CHN2: variants seen among roughly 807,000 people sequenced by gnomAD.
CHN2 encodes the protein chimerin 2.
A neutral mutation model predicts 56.3 loss-of-function variants in CHN2; 35 were observed. The observed-to-expected ratio is 0.62, with a 90% CI of 0.47 to 0.82. CHN2 has a LOEUF of 0.82. Ranked by LOEUF, CHN2 falls within the 40% of genes least tolerant of loss-of-function variation. CHN2 has a pLI of 0.00. For missense variants in CHN2, 491 were observed against 580.5 expected, an observed-to-expected ratio of 0.85 and a Z score of 1.58; for synonymous variants, 210 against 212.8, an observed-to-expected ratio of 0.99 and a Z score of 0.12.
Position 29,398,250 on chromosome 7 carries a change from C to A in CHN2, c.177-123C>A, listed in dbSNP as rs60864303. 3.3e-4 allele frequency: 227 copies of A among 681,398 alleles called. 1 individual carries two copies. In the African/African-American group the frequency reaches 3.5e-3, roughly 11 times the overall value. The allele number at this position is 681,398 out of a possible 1,614,324, so 42.2% of individuals were successfully genotyped here. A position where few individuals can be genotyped will look rare whatever the true frequency, so the allele number is the denominator to read the frequency against. Reference sequence around the variant, plus strand: ...CTTAAGATGGGCAGTAGTCACCCCCCTTCTTCACTCAGTTGTGGGGCTGTC... The same window carrying A: ...CTTAAGATGGGCAGTAGTCACCCCCATTCTTCACTCAGTTGTGGGGCTGTC... On this transcript the variant is annotated intron_variant, in intron 4 of 12. Coordinates refer to ENST00000222792, the MANE Select transcript of CHN2 (RefSeq NM_004067.4).
chr7:29,496,099 G>T (rs1241118222), intron 8 of CHN2, 63 bp downstream of exon 8: 1 of 1,370,176 alleles, frequency 7.3e-7, no homozygotes, highest in Non-Finnish European at 1.0e-6. Context: ...GCTGGAGGAT[G>T]TCTCTCCAGA....
intron 6 of CHN2, among the ~76,000 whole-genome samples, chr7:29,419,977 T>C (rs1298185237): frequency 6.7e-6 from 1 of 149,386 alleles, no homozygotes; most frequent in Admixed American, 6.7e-5. Flanking sequence ...GAAGAATTGC[T>C]CAAACCCAGG....
chr7:29,492,861 T>C (rs1335449895), intron 7 of CHN2, among the ~76,000 whole-genome samples: 4 of 152,220 alleles, frequency 2.6e-5, no homozygotes, highest in African/African-American at 9.6e-5. Context: ...CTTATCAGCA[T>C]TCAACATAAT....
chr7:29,234,971 C>A (rs1032317070), intron 1 of CHN2, among the ~76,000 whole-genome samples: 1 of 152,112 alleles, frequency 6.6e-6, no homozygotes, highest in African/African-American at 2.4e-5. Flanking sequence ...TCTACTGGTA[C>A]AGTTCTATTA....
chr7:29,244,890 A>G (rs1787952437), intron 1 of CHN2, among the ~76,000 whole-genome samples: 1 of 152,138 alleles, frequency 6.6e-6, no homozygotes, highest in African/African-American at 2.4e-5. Flanking sequence ...GTGGCTGTCC[A>G]TTGTTCATGA....
At chr7:29,173,478 G>A (rs1447489463) in intron 2 of CHN2, among the ~76,000 whole-genome samples, 1 of 151,924 alleles carries the variant, frequency 6.6e-6, no homozygotes, top group Non-Finnish European at 1.5e-5. Context: ...AAGAAAATGA[G>A]GAACAGTGTA....
At chr7:29,300,954 C>G (rs868056698) in intron 1 of CHN2, among the ~76,000 whole-genome samples, 7 of 152,020 alleles carry the variant, frequency 4.6e-5, no homozygotes, top group African/African-American at 1.7e-4. Flanking sequence ...ATGAAATAAC[C>G]ATAAGATGAA....
intron 4 of CHN2, among the ~76,000 whole-genome samples, chr7:29,396,459 C>CAAAAAAAAAAAAAA (rs35163855): frequency 1.8e-5 from 1 of 56,508 alleles, no homozygotes; most frequent in African/African-American, 7.3e-5. Flanking sequence ...AGACTCTCTC[C>CAAAAAAAAAAAAAA]AAAAAAAAAA....
At chr7:29,472,313 T>TCACACACACGCACACACACAC (rs1459480414) in intron 6 of CHN2, among the ~76,000 whole-genome samples, 1 of 77,876 alleles carries the variant, frequency 1.3e-5, no homozygotes, top group Non-Finnish European at 3.5e-5. Context: ...ACACACACAT[T>TCACACACACGCACACACACAC]AGACACAGAA....
intron 6 of CHN2, among the ~76,000 whole-genome samples, chr7:29,429,525 A>G (rs1805200999): frequency 6.6e-6 from 1 of 152,142 alleles, no homozygotes; most frequent in Admixed American, 6.5e-5. Context: ...TTGACAAGAA[A>G]CACACAGGTT....
At chr7:29,246,581 C>A (rs747705081) in intron 1 of CHN2, among the ~76,000 whole-genome samples, 1 of 152,156 alleles carries the variant, frequency 6.6e-6, no homozygotes, top group Non-Finnish European at 1.5e-5. Context: ...CAAAGGTAAA[C>A]AAGGCACATC....
chr7:29,258,977 T>C (rs374466428), intron 1 of CHN2, among the ~76,000 whole-genome samples: 3 of 149,130 alleles, frequency 2.0e-5, no homozygotes, highest in East Asian at 3.9e-4. Context: ...AGGGAACTAG[T>C]AGAATATAGA....
At chr7:29,462,326 C>T (rs1445257826) in intron 6 of CHN2, among the ~76,000 whole-genome samples, 1 of 152,166 alleles carries the variant, frequency 6.6e-6, no homozygotes, top group African/African-American at 2.4e-5. Context: ...CAAGCCGCCT[C>T]AAAGCTTAGT....
chr7:29,258,607 C>A (rs1250356790), intron 1 of CHN2, among the ~76,000 whole-genome samples: 1 of 152,188 alleles, frequency 6.6e-6, no homozygotes, highest in Non-Finnish European at 1.5e-5. Flanking sequence ...TTTGACACTT[C>A]TGAGTAGTGA....
intron 3 of CHN2, among the ~76,000 whole-genome samples, chr7:29,390,441 C>T (rs1801274995): frequency 6.6e-6 from 1 of 152,208 alleles, no homozygotes; most frequent in Non-Finnish European, 1.5e-5. Flanking sequence ...AGGATAGTCA[C>T]AGTGGCAGGG....
chr7:29,164,772 C>A (rs1269539725), intron 2 of CHN2, among the ~76,000 whole-genome samples: 3 of 120,644 alleles, frequency 2.5e-5, no homozygotes, highest in Non-Finnish European at 5.0e-5. Flanking sequence ...CAGAGCAAGA[C>A]CTGTCTCAAA....
chr7:29,382,031 C>T (rs1333211714), intron 3 of CHN2, among the ~76,000 whole-genome samples: 1 of 152,072 alleles, frequency 6.6e-6, no homozygotes, highest in Non-Finnish European at 1.5e-5. Context: ...TTCTCTGTGC[C>T]TCAGTTAGTC....
At chr7:29,433,379 G>A (rs957423722) in intron 6 of CHN2, among the ~76,000 whole-genome samples, 17 of 152,350 alleles carry the variant, frequency 1.1e-4, no homozygotes, top group Middle Eastern at 3.4e-3. Context: ...CCAAGGTCAC[G>A]GAGTAGGAAG....
intron 2 of CHN2, among the ~76,000 whole-genome samples, chr7:29,360,889 T>C (rs909909316): frequency 2.0e-5 from 3 of 152,234 alleles, no homozygotes; most frequent in African/African-American, 7.2e-5. Flanking sequence ...GTTTTCTTAC[T>C]GAAGAAAAAG....
Sources: gnomAD v4.1 joint callset for allele counts (sites outside exome capture counted in the v4.1 genomes callset) on GRCh38, gnomAD v4.1.1 for gene constraint, MANE v1.5 for transcripts, NCBI Gene and HGNC (gene_info 2026-07-23, HGNC 2026-07-21) for gene names.